ITGA9: variants seen among roughly 807,000 people sequenced by gnomAD.
ITGA9 encodes the protein integrin alpha-9.
Under a neutral mutation model 127.8 loss-of-function variants are expected in ITGA9, and 56 were observed. The observed-to-expected ratio is 0.44, with a 90% CI of 0.35 to 0.55. The LOEUF (loss-of-function observed/expected upper bound fraction) is 0.55, where lower values mean the gene tolerates loss of function less well. ITGA9 is among the 20% of genes least tolerant of loss of function. The pLI is 0.00. For synonymous variants in ITGA9, 508 were observed against 514.5 expected, an observed-to-expected ratio of 0.99 and a Z score of 0.17; for missense variants, 1,196 against 1,347.1, an observed-to-expected ratio of 0.89 and a Z score of 1.76.
In ITGA9 at chr3:37,641,537, C is replaced by T. The variant is rs1200250636; in HGVS notation, c.1840-12177C>T. ...CGGGAGCCAGCCGCACCACCATGAGCCCAGATAGCATGAGTCCCTTCTCTT... is the reference window on the plus strand; with the variant it reads ...CGGGAGCCAGCCGCACCACCATGAGTCCAGATAGCATGAGTCCCTTCTCTT... On this transcript the variant is annotated intron_variant, in intron 16 of 27. Transcript: ENST00000264741. Among the ~76,000 whole-genome samples, 3 of 152,096 alleles carry T rather than the reference C, an allele frequency of 2.0e-5. No homozygotes were observed. In the East Asian group the frequency reaches 5.8e-4, roughly 29 times the overall value.
intron 15 of ITGA9, among the ~76,000 whole-genome samples, chr3:37,569,962 A>G (rs1206623897): frequency 6.6e-6 from 1 of 152,272 alleles, no homozygotes; most frequent in Non-Finnish European, 1.5e-5. Context: ...TGCAACGTGT[A>G]CTTCTGCAGC....
intron 14 of ITGA9, among the ~76,000 whole-genome samples, chr3:37,536,074 GCA>G (rs1699204521): frequency 6.6e-6 from 1 of 152,204 alleles, no homozygotes; most frequent in Non-Finnish European, 1.5e-5. Flanking sequence ...TCTTGGCTCT[GCA>G]CAGTTTGGAA....
At chr3:37,612,142 A>C (rs1700023039) in intron 15 of ITGA9, among the ~76,000 whole-genome samples, 1 of 152,220 alleles carries the variant, frequency 6.6e-6, no homozygotes, top group Non-Finnish European at 1.5e-5. Flanking sequence ...GAAGCATTTC[A>C]AAAACCAGAG....
chr3:37,550,131 C>T (rs1364069775), intron 15 of ITGA9, among the ~76,000 whole-genome samples: 2 of 152,144 alleles, frequency 1.3e-5, no homozygotes, highest in African/African-American at 4.8e-5. Flanking sequence ...TTACAGTTGA[C>T]AAGTAGCAGA....
At chr3:37,594,579 G>A (rs947038027) in intron 15 of ITGA9, among the ~76,000 whole-genome samples, 1 of 152,054 alleles carries the variant, frequency 6.6e-6, no homozygotes, top group African/African-American at 2.4e-5. Flanking sequence ...ACAGACTTGG[G>A]AGCCCCATGG....
At chr3:37,633,160 G>A (rs1227644552) in intron 16 of ITGA9, among the ~76,000 whole-genome samples, 4 of 152,146 alleles carry the variant, frequency 2.6e-5, no homozygotes, top group Non-Finnish European at 5.9e-5. Flanking sequence ...ATGAAGCTAA[G>A]CAATAGAATG....
chr3:37,651,131 A>G (rs1037301318), intron 16 of ITGA9, among the ~76,000 whole-genome samples: 4 of 152,142 alleles, frequency 2.6e-5, no homozygotes, highest in Non-Finnish European at 5.9e-5. Flanking sequence ...ATGTGTGCAT[A>G]TACACACACG....
intron 23 of ITGA9, among the ~76,000 whole-genome samples, chr3:37,758,679 C>G (rs1696685016): frequency 6.9e-6 from 1 of 145,692 alleles, no homozygotes; most frequent in South Asian, 2.1e-4. Context: ...AGGCATGAGT[C>G]CCTGCTAGTG....
intron 15 of ITGA9, among the ~76,000 whole-genome samples, chr3:37,563,361 C>T (rs1274985124): frequency 6.6e-6 from 1 of 152,178 alleles, no homozygotes; most frequent in Admixed American, 6.5e-5. Context: ...CAGCAACTCC[C>T]TTCAACCCCC....
chr3:37,481,637 C>G (rs200914069), intron 4 of ITGA9, 30 bp downstream of exon 4: 1 of 1,614,014 alleles, frequency 6.2e-7, no homozygotes, highest in Non-Finnish European at 8.5e-7. Context: ...TCCTCATCCC[C>G]CTACCCACCT....
chr3:37,768,497 A>G (rs1440015438), intron 23 of ITGA9, among the ~76,000 whole-genome samples: 1 of 152,212 alleles, frequency 6.6e-6, no homozygotes, highest in African/African-American at 2.4e-5. Context: ...TAATTGAATT[A>G]GCAAAGTAGA....
At chr3:37,649,038 A>G (rs1020548839) in intron 16 of ITGA9, among the ~76,000 whole-genome samples, 2 of 151,708 alleles carry the variant, frequency 1.3e-5, no homozygotes, top group African/African-American at 2.4e-5. Flanking sequence ...TATTTCGTGT[A>G]AGCTCCTGGT....
chr3:37,729,874 T>G (rs1696265802), intron 18 of ITGA9, among the ~76,000 whole-genome samples: 1 of 152,032 alleles, frequency 6.6e-6, no homozygotes, highest in African/African-American at 2.4e-5. Flanking sequence ...CAGCTAATTT[T>G]TATATTTGTA....
chr3:37,687,647 A>G (rs1700794352), intron 18 of ITGA9, among the ~76,000 whole-genome samples: 1 of 152,226 alleles, frequency 6.6e-6, no homozygotes, highest in Non-Finnish European at 1.5e-5. Context: ...GTTTCTACAG[A>G]CTTTTCTGTA....
At chr3:37,579,257 G>A (rs894303929) in intron 15 of ITGA9, among the ~76,000 whole-genome samples, 4 of 152,166 alleles carry the variant, frequency 2.6e-5, no homozygotes, top group East Asian at 3.9e-4. Context: ...TTCTCACACC[G>A]AAGTAATTCA....
At chr3:37,758,192 G>A (rs1176183133) in intron 23 of ITGA9, among the ~76,000 whole-genome samples, 5 of 149,264 alleles carry the variant, frequency 3.3e-5, no homozygotes, top group South Asian at 4.3e-4. Context: ...GCGCGGTGGC[G>A]GGCGCCTGTA....
intron 15 of ITGA9, among the ~76,000 whole-genome samples, chr3:37,548,330 G>GGAT (rs1385462845): frequency 3.3e-5 from 5 of 152,112 alleles, no homozygotes; most frequent in African/African-American, 1.2e-4. Flanking sequence ...CTTCAAAGAG[G>GGAT]GATGAGACAA....
At chr3:37,637,659 A>ATGTTTT (rs71094919) in intron 16 of ITGA9, among the ~76,000 whole-genome samples, 41,843 of 150,856 alleles carry the variant, frequency 0.28, 5,875 homozygotes, top group Admixed American at 0.34. Context: ...CCAGCAAACT[A>ATGTTTT]TGTTTTTGTT....
chr3:37,520,992 G>T (rs575445359), intron 11 of ITGA9, among the ~76,000 whole-genome samples: 5 of 152,186 alleles, frequency 3.3e-5, no homozygotes, highest in Non-Finnish European at 7.3e-5. Flanking sequence ...GAGAACCACA[G>T]TATAACTCTT....
Sources: allele counts gnomAD v4.1 joint callset (sites outside exome capture counted in the v4.1 genomes callset), GRCh38; gene constraint gnomAD v4.1.1; transcripts MANE v1.5; gene names NCBI Gene and HGNC (gene_info 2026-07-23, HGNC 2026-07-21).